CCSER1: variants seen among roughly 807,000 people sequenced by gnomAD.
CCSER1 encodes the protein coiled-coil serine rich protein 1.
In CCSER1, 41 loss-of-function variants were observed where a neutral mutation model predicts 82.0. That is an observed-to-expected ratio of 0.50 (90% CI 0.39 to 0.65). CCSER1 has a LOEUF of 0.65. Ranked by LOEUF, CCSER1 falls within the 30% of genes least tolerant of loss-of-function variation. The pLI is 0.00. For missense variants in CCSER1, 1,119 were observed against 1,064.2 expected (o/e 1.05, Z -0.72); for synonymous variants, 414 against 383.9 (o/e 1.08, Z -0.92).
intron 6 of CCSER1, among the ~76,000 whole-genome samples, chr4:90,701,509 C>T (rs147427657): frequency 2.0e-5 from 3 of 151,994 alleles, no homozygotes; most frequent in African/African-American, 4.8e-5. Context: ...TAGTTTTTTC[C>T]AATTCTGTGA....
At chr4:91,222,885 A>G (rs1311045756) in intron 10 of CCSER1, among the ~76,000 whole-genome samples, 1 of 152,178 alleles carries the variant, frequency 6.6e-6, no homozygotes, top group Admixed American at 6.6e-5. Context: ...GGTGGCTACT[A>G]TATCAGAGAG....
intron 8 of CCSER1, among the ~76,000 whole-genome samples, chr4:90,868,812 A>T (rs1307179755): frequency 6.6e-6 from 1 of 152,080 alleles, no homozygotes; most frequent in African/African-American, 2.4e-5. Context: ...ACTAATTTAC[A>T]TTCTCACCAA....
chr4:90,155,345 T>G (rs948519290), intron 1 of CCSER1, among the ~76,000 whole-genome samples: 12 of 152,136 alleles, frequency 7.9e-5, no homozygotes, highest in Non-Finnish European at 1.3e-4. Flanking sequence ...ATTGTCTTTT[T>G]TGGTTGTGTC....
chr4:90,682,424 C>T (rs1450298635), intron 6 of CCSER1, among the ~76,000 whole-genome samples: 2 of 151,924 alleles, frequency 1.3e-5, no homozygotes, highest in East Asian at 1.9e-4. Context: ...TCCTTTTCCC[C>T]ATGTCTTAAT....
chr4:91,476,463 T>A (rs950809882), intron 10 of CCSER1, among the ~76,000 whole-genome samples: 2 of 151,710 alleles, frequency 1.3e-5, no homozygotes, highest in African/African-American at 2.4e-5. Context: ...AAGATGTCCA[T>A]ACCGCCCAAA....
chr4:91,295,942 G>A (rs1172785581), intron 10 of CCSER1, among the ~76,000 whole-genome samples: 1 of 151,658 alleles, frequency 6.6e-6, no homozygotes, highest in Non-Finnish European at 1.5e-5. Context: ...TTTAACCTAG[G>A]GACTTTATAG....
At chr4:90,958,766 C>A (rs573156243) in intron 9 of CCSER1, among the ~76,000 whole-genome samples, 1 of 152,264 alleles carries the variant, frequency 6.6e-6, no homozygotes, top group South Asian at 2.1e-4. Context: ...AAATCCTCAG[C>A]AGACACTGAT....
chr4:91,457,123 A>G (rs2149426149), intron 10 of CCSER1, among the ~76,000 whole-genome samples: 1 of 152,282 alleles, frequency 6.6e-6, no homozygotes, highest in East Asian at 1.9e-4. Flanking sequence ...CTTTTCCTAA[A>G]GAATGGCTAC....
chr4:90,500,610 C>T (rs987198325), intron 5 of CCSER1, among the ~76,000 whole-genome samples: 8 of 152,052 alleles, frequency 5.3e-5, no homozygotes, highest in Admixed American at 2.0e-4. Context: ...GGATTACCGG[C>T]GAGAACCACT....
intron 1 of CCSER1, among the ~76,000 whole-genome samples, chr4:90,181,860 G>A (rs1341433225): frequency 6.6e-6 from 1 of 152,120 alleles, no homozygotes; most frequent in East Asian, 1.9e-4. Flanking sequence ...ACTTTGCCCA[G>A]TCCTCTGAGA....
chr4:90,913,287 G>A (rs1726725911), intron 8 of CCSER1, among the ~76,000 whole-genome samples: 1 of 152,194 alleles, frequency 6.6e-6, no homozygotes, highest in South Asian at 2.1e-4. Flanking sequence ...ACTAACAGCT[G>A]ATCTCTCAGC....
At position 91,493,729 on chromosome 4, in the gene CCSER1, T is replaced by C. The variant is rs1378149895; in HGVS notation, c.2218-104843T>C. ...AATTCACTATGAATTATAATTAAAA[T>C]ATTATAATTTCATCAACTCATGAGG... On this transcript the variant is annotated intron_variant, in intron 10 of 10. Coordinates refer to ENST00000509176, the MANE Select transcript of CCSER1 (RefSeq NM_001145065.2). 1.4e-4 allele frequency among the ~76,000 whole-genome samples: 21 copies of C among 151,746 alleles called. No individual in the cohort carries two copies. The Admixed American group carries it at 1.4e-3, about 10-fold the overall frequency.
At chr4:90,361,034 G>T (rs978985937) in intron 3 of CCSER1, among the ~76,000 whole-genome samples, 3 of 151,972 alleles carry the variant, frequency 2.0e-5, no homozygotes, top group African/African-American at 7.3e-5. Flanking sequence ...CTAGGTAAAG[G>T]CTTTAAAGGA....
intron 10 of CCSER1, among the ~76,000 whole-genome samples, chr4:91,202,640 C>G (rs890189673): frequency 2.7e-5 from 4 of 150,234 alleles, no homozygotes; most frequent in Non-Finnish European, 5.9e-5. Context: ...GGCAATGGAC[C>G]TTGAATTTGA....
chr4:90,695,658 G>T (rs1736864876), intron 6 of CCSER1, among the ~76,000 whole-genome samples: 1 of 151,866 alleles, frequency 6.6e-6, no homozygotes, highest in African/African-American at 2.4e-5. Context: ...CTCCTTTAAA[G>T]GAATCTCAAT....
intron 9 of CCSER1, among the ~76,000 whole-genome samples, chr4:91,028,731 C>T (rs747566938): frequency 2.5e-4 from 38 of 151,644 alleles, no homozygotes; most frequent in Non-Finnish European, 2.9e-4. Context: ...AATTAATGCT[C>T]GAAGCCCTAA....
intron 10 of CCSER1, among the ~76,000 whole-genome samples, chr4:91,090,039 A>G (rs567316242): frequency 6.6e-6 from 1 of 152,312 alleles, no homozygotes; most frequent in South Asian, 2.1e-4. Context: ...ACAGCTTGCA[A>G]CCGTATGATT....
intron 10 of CCSER1, among the ~76,000 whole-genome samples, chr4:91,409,893 G>T (rs1752927325): frequency 6.6e-6 from 1 of 152,138 alleles, no homozygotes; most frequent in South Asian, 2.1e-4. Context: ...ATTTGGCCAG[G>T]CTGGTCTCGA....
chr4:90,639,564 G>T (rs1726101982), intron 6 of CCSER1, among the ~76,000 whole-genome samples: 1 of 152,064 alleles, frequency 6.6e-6, no homozygotes. Context: ...GAAGGGAAGA[G>T]ATGTGTAGTG....
Sources: gnomAD v4.1 joint callset for allele counts (sites outside exome capture counted in the v4.1 genomes callset) on GRCh38, gnomAD v4.1.1 for gene constraint, MANE v1.5 for transcripts, NCBI Gene and HGNC (gene_info 2026-07-23, HGNC 2026-07-21) for gene names.